DSCAM: variants seen among roughly 807,000 people sequenced by gnomAD.
DSCAM encodes the protein DS cell adhesion molecule, also known as cell adhesion molecule DSCAM.
DSCAM carries 47 observed loss-of-function variants against 217.7 expected under a neutral mutation model. The ratio of observed to expected loss-of-function variants is 0.22; its 90% CI spans 0.17 to 0.28. DSCAM has a LOEUF of 0.28. Among genes scored for constraint, DSCAM ranks in the 10% least tolerant of loss-of-function variants. The pLI, the probability that DSCAM is intolerant of heterozygous loss-of-function variation, is 1.00. For synonymous variants in DSCAM, 1,056 were observed against 1,015.3 expected, an observed-to-expected ratio of 1.04 and a Z score of -0.76; for missense variants, 2,080 against 2,618.3, an observed-to-expected ratio of 0.79 and a Z score of 4.49.
chr21:40,346,663 C>T (rs184376894), intron 6 of DSCAM, among the ~76,000 whole-genome samples: 24 of 152,152 alleles, frequency 1.6e-4, no homozygotes, highest in Admixed American at 9.2e-4. Flanking sequence ...ATTTAGTATG[C>T]AGTAACCAGT....
intron 11 of DSCAM, among the ~76,000 whole-genome samples, chr21:40,266,339 G>A (rs961710653): frequency 1.8e-4 from 27 of 151,994 alleles, no homozygotes; most frequent in African/African-American, 6.3e-4. Flanking sequence ...TTATTAAAAA[G>A]TTAACAAACA....
chr21:40,469,840 T>C (rs1054666701), intron 3 of DSCAM, among the ~76,000 whole-genome samples: 5 of 152,218 alleles, frequency 3.3e-5, no homozygotes, highest in Non-Finnish European at 5.9e-5. Context: ...CCATATGACA[T>C]TAAAATTATT....
chr21:40,282,259 A>C (rs370865171), intron 10 of DSCAM, among the ~76,000 whole-genome samples: 4 of 152,292 alleles, frequency 2.6e-5, no homozygotes, highest in South Asian at 2.1e-4. Context: ...CTGAAAACTC[A>C]ACCAAATATA....
intron 3 of DSCAM, among the ~76,000 whole-genome samples, chr21:40,550,247 G>A (rs557598404): frequency 5.9e-5 from 9 of 152,192 alleles, no homozygotes; most frequent in South Asian, 2.1e-4. Context: ...TTTACTAGTC[G>A]GGCGCAGTGG....
intron 3 of DSCAM, among the ~76,000 whole-genome samples, chr21:40,524,084 T>G (rs781325665): frequency 7.2e-5 from 11 of 152,210 alleles, no homozygotes; most frequent in South Asian, 2.1e-4. Flanking sequence ...TAGCTACCAT[T>G]TAAACAATCT....
intron 11 of DSCAM, among the ~76,000 whole-genome samples, chr21:40,242,790 G>A (rs1251595493): frequency 1.3e-5 from 2 of 152,208 alleles, no homozygotes; most frequent in East Asian, 3.8e-4. Context: ...TATTGTGTGA[G>A]TGATAAACAA....
intron 3 of DSCAM, among the ~76,000 whole-genome samples, chr21:40,485,233 CTTTCTTT>C (rs1421933439): frequency 3.8e-5 from 5 of 132,968 alleles, no homozygotes; most frequent in Non-Finnish European, 6.2e-5. Context: ...CACTGACTTT[CTTTCTTT>C]TTTTTTTTTT....
intron 11 of DSCAM, among the ~76,000 whole-genome samples, chr21:40,206,175 C>T (rs932191861): frequency 3.9e-5 from 6 of 152,148 alleles, no homozygotes; most frequent in Non-Finnish European, 5.9e-5. Context: ...TTTGAACACC[C>T]GTGTGAGTCT....
chr21:40,233,392 AAATCTG>A (rs1285361323), intron 11 of DSCAM, among the ~76,000 whole-genome samples: 1 of 152,212 alleles, frequency 6.6e-6, no homozygotes, highest in African/African-American at 2.4e-5. Flanking sequence ...AAATATACTT[AAATCTG>A]ATGAAGAAAA....
chr21:40,511,648 C>T (rs574305485), intron 3 of DSCAM, among the ~76,000 whole-genome samples: 2 of 152,190 alleles, frequency 1.3e-5, no homozygotes, highest in Non-Finnish European at 2.9e-5. Flanking sequence ...CAGTAAAACA[C>T]TCTCTTTGCA....
chr21:40,132,003 T>C (rs1436266101), intron 19 of DSCAM, among the ~76,000 whole-genome samples: 1 of 152,238 alleles, frequency 6.6e-6, no homozygotes, highest in Admixed American at 6.5e-5. Flanking sequence ...GAGCCTTCCC[T>C]TCTTATTGGA....
At chr21:40,557,791 A>C (rs1295894063) in intron 3 of DSCAM, among the ~76,000 whole-genome samples, 1 of 148,866 alleles carries the variant, frequency 6.7e-6, no homozygotes, top group Non-Finnish European at 1.5e-5. Context: ...ACCTCTTCTT[A>C]ATTTGTCAGC....
chr21:40,687,196 G>T (rs890216514), intron 3 of DSCAM, among the ~76,000 whole-genome samples: 1 of 152,130 alleles, frequency 6.6e-6, no homozygotes, highest in South Asian at 2.1e-4. Flanking sequence ...TTTTCATTTG[G>T]TCCCACGAAT....
chr21:40,198,142 A>C (rs2091034400), intron 11 of DSCAM, among the ~76,000 whole-genome samples: 1 of 152,196 alleles, frequency 6.6e-6, no homozygotes, highest in African/African-American at 2.4e-5. Flanking sequence ...TTGTAGAATT[A>C]AGCAGACGAG....
At chr21:40,400,703 C>T (rs1187423890) in intron 3 of DSCAM, among the ~76,000 whole-genome samples, 2 of 152,174 alleles carry the variant, frequency 1.3e-5, no homozygotes, top group Admixed American at 6.5e-5. Context: ...AGGCATGAGC[C>T]GCTGTGCCTG....
intron 1 of DSCAM, among the ~76,000 whole-genome samples, chr21:40,782,852 A>G (rs2091560851): frequency 6.6e-6 from 1 of 152,260 alleles, no homozygotes; most frequent in South Asian, 2.1e-4. Flanking sequence ...CCGTAATGCA[A>G]GTGACCTTCC....
At chr21:40,322,514 G>A (rs1047080960) in intron 8 of DSCAM, among the ~76,000 whole-genome samples, 3 of 124,478 alleles carry the variant, frequency 2.4e-5, no homozygotes, top group Non-Finnish European at 5.4e-5. Context: ...TATAGAAAGC[G>A]GGAGCAATTT....
At chr21:40,052,130 A>G (rs754263501) in intron 29 of DSCAM, 23 bp from the exon 30 acceptor site, 2 of 1,612,198 alleles carry the variant, frequency 1.2e-6, no homozygotes, top group South Asian at 2.2e-5. Flanking sequence ...AGGAACACAG[A>G]AAGCCAAACA....
rs1012226690 is a variant in DSCAM at position 40,089,161 on chromosome 21, G to A, written c.3851-1874C>T. Among the ~76,000 whole-genome samples the A allele has an allele frequency of 2.6e-5, 4 of 152,096 alleles. No homozygotes were observed. In the South Asian group the frequency reaches 6.2e-4, roughly 24 times the overall value. On this transcript the variant is annotated intron_variant, in intron 21 of 32. Transcript: ENST00000400454. ...CAAGCCCAACAACCCCCATGCTATC[G>A]CTCAATGCCCATTTTGCCCATTTTA...
Sources: gnomAD v4.1 joint callset for allele counts (sites outside exome capture counted in the v4.1 genomes callset) on GRCh38, gnomAD v4.1.1 for gene constraint, MANE v1.5 for transcripts, NCBI Gene and HGNC (gene_info 2026-07-23, HGNC 2026-07-21) for gene names.